MEGF11: variants seen among roughly 807,000 people sequenced by gnomAD.
MEGF11 encodes the protein multiple EGF like domains 11, also known as multiple epidermal growth factor-like domains protein 11.
A neutral mutation model predicts 146.6 loss-of-function variants in MEGF11; 126 were observed. The observed-to-expected ratio is 0.86, with a 90% CI of 0.74 to 1.00. MEGF11 has a LOEUF of 1.00. Ranked by LOEUF, MEGF11 falls within the 50% of genes least tolerant of loss-of-function variation. MEGF11 has a pLI of 0.00. For synonymous variants in MEGF11, 532 were observed against 583.4 expected, an observed-to-expected ratio of 0.91 and a Z score of 1.27; for missense variants, 1,509 against 1,521.2, an observed-to-expected ratio of 0.99 and a Z score of 0.13.
intron 4 of MEGF11, among the ~76,000 whole-genome samples, chr15:66,115,515 C>T (rs940581227): frequency 3.3e-5 from 5 of 152,248 alleles, no homozygotes; most frequent in Admixed American, 6.5e-5. Flanking sequence ...ACAGCTGACA[C>T]CAGCCTCTTC....
intron 10 of MEGF11, among the ~76,000 whole-genome samples, chr15:65,954,177 C>T (rs1195836124): frequency 6.6e-6 from 1 of 152,178 alleles, no homozygotes; most frequent in Non-Finnish European, 1.5e-5. Flanking sequence ...AAAAGGGCTC[C>T]TTTAATTAGT....
At chr15:65,980,054 G>A (rs2081579555) in intron 7 of MEGF11, among the ~76,000 whole-genome samples, 5 of 152,200 alleles carry the variant, frequency 3.3e-5, no homozygotes, top group Admixed American at 6.5e-5. Context: ...GTGTGTGTGT[G>A]TGCAAGTGCA....
intron 10 of MEGF11, among the ~76,000 whole-genome samples, chr15:65,955,793 T>TATATATACACAC (rs1555455862): frequency 3.0e-4 from 2 of 6,778 alleles, no homozygotes; most frequent in East Asian, 5.7e-3. Flanking sequence ...TATATATATA[T>TATATATACACAC]ACACACACAC....
At chr15:66,237,718 G>A (rs948818866) in intron 1 of MEGF11, among the ~76,000 whole-genome samples, 9 of 152,196 alleles carry the variant, frequency 5.9e-5, no homozygotes, top group Non-Finnish European at 8.8e-5. Context: ...ATGCTGTCTG[G>A]AGGGCAGTCT....
Position 65,987,944 on chromosome 15 carries a change from C to T in MEGF11, c.395-5456G>A, listed in dbSNP as rs191707064. Among the ~76,000 whole-genome samples the T allele has an allele frequency of 3.5e-3, 532 of 149,970 alleles. 3 individuals are homozygous for T. The highest frequency in any genetic ancestry group is 0.012 in the African/African-American group (498 of 40,790). On this transcript the variant is annotated intron_variant, in intron 5 of 25. Coordinates refer to ENST00000395614, the MANE Select transcript of MEGF11 (RefSeq NM_001385028.1). ...CAGGATGGTTTCGATCTCCTGACCT[C>T]GTGATCTGCCCACCTTGGCCTCCCA...
At chr15:65,920,279 G>C (rs868180642) in intron 15 of MEGF11, among the ~76,000 whole-genome samples, 7 of 152,318 alleles carry the variant, frequency 4.6e-5, no homozygotes, top group Middle Eastern at 3.4e-3. Flanking sequence ...AGAAACCTTG[G>C]CTCCCTTCCA....
At chr15:65,950,414 A>G (rs2080356942) in intron 10 of MEGF11, among the ~76,000 whole-genome samples, 1 of 152,004 alleles carries the variant, frequency 6.6e-6, no homozygotes, top group Admixed American at 6.6e-5. Flanking sequence ...GCAAAACCCC[A>G]TCTCTACAAA....
intron 5 of MEGF11, among the ~76,000 whole-genome samples, chr15:66,059,199 C>G (rs912417816): frequency 6.6e-6 from 1 of 152,304 alleles, no homozygotes; most frequent in East Asian, 1.9e-4. Context: ...GTGGCACAGC[C>G]GGGGAGAACC....
chr15:65,920,911 C>T (rs1266547134), intron 15 of MEGF11, among the ~76,000 whole-genome samples: 1 of 152,204 alleles, frequency 6.6e-6, no homozygotes, highest in Non-Finnish European at 1.5e-5. Context: ...CCTCGGGCTG[C>T]ATGGGTCCTA....
intron 5 of MEGF11, among the ~76,000 whole-genome samples, chr15:66,043,073 G>T (rs1401735940): frequency 6.6e-6 from 1 of 152,248 alleles, no homozygotes; most frequent in Non-Finnish European, 1.5e-5. Flanking sequence ...AGGCAAACAA[G>T]GCGGGCTGGG....
intron 5 of MEGF11, among the ~76,000 whole-genome samples, chr15:66,051,764 T>C (rs533014141): frequency 2.0e-5 from 3 of 152,156 alleles, no homozygotes; most frequent in East Asian, 3.9e-4. Flanking sequence ...AGGGAGGAAA[T>C]GACTGGGAAG....
At chr15:66,218,998 C>T (rs1322268804) in intron 1 of MEGF11, among the ~76,000 whole-genome samples, 4 of 45,638 alleles carry the variant, frequency 8.8e-5, no homozygotes, top group Non-Finnish European at 1.9e-4. Context: ...AAAAAAAAAC[C>T]TTAACCTAAA....
rs142216621 is a variant in MEGF11, at chr15:66,088,850, G to T, written c.394+5552C>A. ...AAGGGCCAGGGAAGGGGGCAACGGG[G>T]AGTTAGTGTTCAGTGAGGACAGAGT... On this transcript the variant is annotated intron_variant, in intron 5 of 25. Coordinates refer to ENST00000395614, the MANE Select transcript of MEGF11 (RefSeq NM_001385028.1). Among the ~76,000 whole-genome samples, 19 of 152,294 alleles carry T rather than the reference G, an allele frequency of 1.2e-4. No homozygotes were observed. The East Asian group carries it at 3.7e-3, about 29-fold the overall frequency.
intron 1 of MEGF11, among the ~76,000 whole-genome samples, chr15:66,141,289 T>TGTGTGTGTGTGAGA (rs1555475806): frequency 9.9e-6 from 1 of 101,198 alleles, no homozygotes; most frequent in African/African-American, 4.1e-5. Flanking sequence ...TGTGTGTGTG[T>TGTGTGTGTGTGAGA]GAGAGAGAGA....
chr15:66,018,792 A>C (rs1476561360), intron 5 of MEGF11, among the ~76,000 whole-genome samples: 1 of 152,222 alleles, frequency 6.6e-6, no homozygotes, highest in Non-Finnish European at 1.5e-5. Context: ...AGCCAAAGAG[A>C]TACTGAGACC....
At chr15:66,029,123 A>G (rs1375118782) in intron 5 of MEGF11, among the ~76,000 whole-genome samples, 1 of 152,052 alleles carries the variant, frequency 6.6e-6, no homozygotes, top group African/African-American at 2.4e-5. Context: ...GCTTAGCCTT[A>G]GAGAAGTGTG....
At chr15:66,022,187 C>A (rs2083164875) in intron 5 of MEGF11, among the ~76,000 whole-genome samples, 3 of 152,228 alleles carry the variant, frequency 2.0e-5, no homozygotes, top group Admixed American at 6.5e-5. Flanking sequence ...ACAGAGCCTG[C>A]ATGTGGTGGT....
At chr15:66,080,761 C>T (rs190230049) in intron 5 of MEGF11, among the ~76,000 whole-genome samples, 42 of 152,370 alleles carry the variant, frequency 2.8e-4, no homozygotes, top group East Asian at 9.7e-4. Context: ...TTTGCTGCTA[C>T]GTACACAGCT....
rs2082878039 is a variant in MEGF11, at chr15:66,016,161, G to T, written c.395-33673C>A. The stretch of plus-strand genomic sequence containing the variant: ...CGGCTTCAGTAATCATCACTATATG[G>T]CCAATCTTGTTTCAACTATATCATG... On this transcript the variant is annotated intron_variant, in intron 5 of 25. Coordinates refer to ENST00000395614, the MANE Select transcript of MEGF11 (RefSeq NM_001385028.1). 2.6e-5 allele frequency among the ~76,000 whole-genome samples: 4 copies of T among 152,000 alleles called. No homozygotes were observed. The South Asian group carries it at 8.3e-4, about 32-fold the overall frequency.
Sources: gnomAD v4.1 joint callset for allele counts (sites outside exome capture counted in the v4.1 genomes callset) on GRCh38, gnomAD v4.1.1 for gene constraint, MANE v1.5 for transcripts, NCBI Gene and HGNC (gene_info 2026-07-23, HGNC 2026-07-21) for gene names.